Variants in LHFPL3 observed in about 807,000 individuals in gnomAD.
LHFPL3 encodes the protein LHFPL tetraspan subfamily member 3, also known as LHFPL tetraspan subfamily member 3 protein.
A neutral mutation model predicts 19.3 loss-of-function variants in LHFPL3; 5 were observed. The observed-to-expected ratio is 0.26, with a 90% confidence interval of 0.14 to 0.54. The LOEUF is 0.54. Among genes scored for constraint, LHFPL3 ranks in the 20% least tolerant of loss-of-function variants. The pLI is 0.94. For missense variants in LHFPL3, 249 were observed against 307.4 expected (o/e 0.81, Z 1.42); for synonymous variants, 133 against 126.2 (o/e 1.05, Z -0.36).
At chr7:104,851,396 G>C (rs978089149) in intron 2 of LHFPL3, among the ~76,000 whole-genome samples, 2 of 152,162 alleles carry the variant, frequency 1.3e-5, no homozygotes, top group Admixed American at 6.5e-5. Context: ...GTCCATCAGA[G>C]AGCAAGTTGC....
At chr7:104,559,966 A>G (rs1789951741) in intron 1 of LHFPL3, among the ~76,000 whole-genome samples, 1 of 150,488 alleles carries the variant, frequency 6.6e-6, no homozygotes, top group South Asian at 2.1e-4. Context: ...GGTTCTGTTT[A>G]TATGCTGGAT....
At chr7:104,683,702 G>A (rs1792753721) in intron 1 of LHFPL3, among the ~76,000 whole-genome samples, 1 of 152,016 alleles carries the variant, frequency 6.6e-6, no homozygotes, top group Admixed American at 6.6e-5. Context: ...TATTTAATTT[G>A]CATTCTTTCA....
intron 1 of LHFPL3, among the ~76,000 whole-genome samples, chr7:104,339,632 T>C (rs1256995482): frequency 6.6e-6 from 1 of 152,238 alleles, no homozygotes; most frequent in African/African-American, 2.4e-5. Context: ...AAGTCTTCAA[T>C]ATGCATTTTC....
intron 2 of LHFPL3, among the ~76,000 whole-genome samples, chr7:104,784,160 C>T (rs1402192415): frequency 6.6e-6 from 1 of 152,186 alleles, no homozygotes; most frequent in Non-Finnish European, 1.5e-5. Flanking sequence ...CACTGACTCT[C>T]AATCTTTAAA....
chr7:104,778,282 G>A (rs982774274), intron 2 of LHFPL3, among the ~76,000 whole-genome samples: 1 of 152,158 alleles, frequency 6.6e-6, no homozygotes, highest in Admixed American at 6.5e-5. Context: ...CTGTGCGGGA[G>A]CTTGATCTCC....
At chr7:104,833,397 ATATTATATAT>A (rs1791029719) in intron 2 of LHFPL3, among the ~76,000 whole-genome samples, 1 of 7,432 alleles carries the variant, frequency 1.3e-4, no homozygotes, top group Non-Finnish European at 2.6e-4. Context: ...TAGGATATAT[ATATTATATAT>A]ATATATATAA....
chr7:104,430,405 C>CATGT (rs1791953958), intron 1 of LHFPL3, among the ~76,000 whole-genome samples: 1 of 22,456 alleles, frequency 4.5e-5, no homozygotes, highest in African/African-American at 1.9e-4. Flanking sequence ...TATATATATA[C>CATGT]ATATATATAT....
At chr7:104,682,355 C>T (rs570042400) in intron 1 of LHFPL3, among the ~76,000 whole-genome samples, 1 of 152,316 alleles carries the variant, frequency 6.6e-6, no homozygotes, top group Admixed American at 6.5e-5. Context: ...CGCAGAATCT[C>T]AGGCCCCACC....
chr7:104,562,074 C>T (rs1442997051), intron 1 of LHFPL3, among the ~76,000 whole-genome samples: 142 of 152,110 alleles, frequency 9.3e-4, no homozygotes, highest in Non-Finnish European at 1.7e-3. Flanking sequence ...ATGGGCTTCC[C>T]TTTGAGGGTA....
chr7:104,705,519 C>T (rs1562969523), intron 1 of LHFPL3, among the ~76,000 whole-genome samples: 1 of 151,738 alleles, frequency 6.6e-6, no homozygotes, highest in South Asian at 2.1e-4. Context: ...TCTCCCCCTT[C>T]TTTTTTCAGT....
At chr7:104,607,736 G>A (rs574047194) in intron 1 of LHFPL3, among the ~76,000 whole-genome samples, 2 of 152,110 alleles carry the variant, frequency 1.3e-5, no homozygotes, top group African/African-American at 4.8e-5. Flanking sequence ...GAAAATTTTC[G>A]CAACCTACTC....
At chr7:104,637,774 G>A (rs901012356) in intron 1 of LHFPL3, among the ~76,000 whole-genome samples, 2 of 142,398 alleles carry the variant, frequency 1.4e-5, no homozygotes, top group Non-Finnish European at 3.0e-5. Flanking sequence ...TGCTGTTTTG[G>A]TTATTGTAGC....
At chr7:104,825,839 GC>G (rs1476881653) in intron 2 of LHFPL3, among the ~76,000 whole-genome samples, 1 of 151,832 alleles carries the variant, frequency 6.6e-6, no homozygotes, top group Non-Finnish European at 1.5e-5. Flanking sequence ...AAAGCAGCCT[GC>G]CCCCTCATCC....
intron 2 of LHFPL3, among the ~76,000 whole-genome samples, chr7:104,872,359 C>A: frequency 6.6e-6 from 1 of 151,338 alleles, no homozygotes; most frequent in Non-Finnish European, 1.5e-5. Context: ...AAAAGTAAGA[C>A]ACAGGCGAGG....
At chr7:104,440,976 A>C (rs1045704333) in intron 1 of LHFPL3, among the ~76,000 whole-genome samples, 3 of 152,134 alleles carry the variant, frequency 2.0e-5, no homozygotes, top group Non-Finnish European at 4.4e-5. Flanking sequence ...CAAGGTAATA[A>C]ATTTATTCAT....
At chr7:104,701,531 A>G (rs982991507) in intron 1 of LHFPL3, among the ~76,000 whole-genome samples, 1 of 152,220 alleles carries the variant, frequency 6.6e-6, no homozygotes, top group Non-Finnish European at 1.5e-5. Context: ...AAGTGGAAGC[A>G]GATCATTCTA....
In LHFPL3 at chr7:104,600,991, G is replaced by A. The variant is rs1019232326; in HGVS notation, c.446-135684G>A. ...TTATGCAGATTTGACAGAAGAATAA[G>A]CCAATTAATTGCCCAAGGTCTCCAT... On this transcript the variant is annotated intron_variant, in intron 1 of 2. Coordinates refer to ENST00000424859, the MANE Select transcript of LHFPL3 (RefSeq NM_199000.3). Among the ~76,000 whole-genome samples the A allele has an allele frequency of 3.3e-5, 5 of 152,280 alleles. No homozygotes were observed. In the East Asian group the frequency reaches 5.8e-4, roughly 18 times the overall value.
intron 1 of LHFPL3, among the ~76,000 whole-genome samples, chr7:104,525,065 G>A (rs1794160454): frequency 6.6e-6 from 1 of 152,156 alleles, no homozygotes; most frequent in East Asian, 1.9e-4. Flanking sequence ...GCTTGTGTTG[G>A]AGTAACAGTT....
intron 1 of LHFPL3, among the ~76,000 whole-genome samples, chr7:104,339,256 A>G (rs1789901336): frequency 6.6e-6 from 1 of 152,192 alleles, no homozygotes; most frequent in Non-Finnish European, 1.5e-5. Context: ...CTCAAAAAAA[A>G]AAGAAAAGAA....
Sources: gnomAD v4.1 joint callset for allele counts (sites outside exome capture counted in the v4.1 genomes callset) on GRCh38, gnomAD v4.1.1 for gene constraint, MANE v1.5 for transcripts, NCBI Gene and HGNC (gene_info 2026-07-23, HGNC 2026-07-21) for gene names.